RCOR1: variants seen among roughly 807,000 people sequenced by gnomAD.
RCOR1 encodes REST corepressor 1.
In RCOR1, 12 loss-of-function variants were observed where a neutral mutation model predicts 64.0. The observed-to-expected ratio is 0.19, with a 90% confidence interval of 0.12 to 0.30. The LOEUF (loss-of-function observed/expected upper bound fraction) is 0.30, where lower values mean the gene tolerates loss of function less well. Among genes scored for constraint, RCOR1 ranks in the 10% least tolerant of loss-of-function variants. The pLI is 1.00. For synonymous variants in RCOR1, 279 were observed against 227.2 expected (o/e 1.23, Z -2.05); for missense variants, 502 against 621.2 (o/e 0.81, Z 2.04).
chr14:102,618,073 A>G (rs1377854532), intron 2 of RCOR1, among the ~76,000 whole-genome samples: 5 of 147,664 alleles, frequency 3.4e-5, no homozygotes, highest in African/African-American at 1.3e-4. Context: ...TCCTGGGTTC[A>G]AGTGATTCCC....
intron 2 of RCOR1, among the ~76,000 whole-genome samples, chr14:102,603,841 G>T (rs937322310): frequency 1.3e-5 from 2 of 151,834 alleles, no homozygotes; most frequent in Non-Finnish European, 1.5e-5. Flanking sequence ...AGGCTGTTTT[G>T]CTGTTTTTCT....
At chr14:102,722,715 C>G (rs1275717745) in intron 11 of RCOR1, among the ~76,000 whole-genome samples, 1 of 152,178 alleles carries the variant, frequency 6.6e-6, no homozygotes, top group Non-Finnish European at 1.5e-5. Context: ...GTGACAAAGA[C>G]AGGGGAGTGG....
intron 4 of RCOR1, among the ~76,000 whole-genome samples, chr14:102,701,799 A>G (rs991875866): frequency 6.6e-6 from 1 of 152,078 alleles, no homozygotes; most frequent in African/African-American, 2.4e-5. Context: ...GCTCATTGCA[A>G]CCTCTGCCTC....
intron 2 of RCOR1, among the ~76,000 whole-genome samples, chr14:102,659,964 A>T (rs1894798459): frequency 6.6e-6 from 1 of 152,204 alleles, no homozygotes; most frequent in South Asian, 2.1e-4. Context: ...TTTCGTAATA[A>T]GATAAATAAT....
chr14:102,709,787 CTGTT>C (rs1895921457), intron 6 of RCOR1, among the ~76,000 whole-genome samples: 2 of 152,128 alleles, frequency 1.3e-5, no homozygotes, highest in African/African-American at 4.8e-5. Context: ...TATAGTAAGT[CTGTT>C]ACTATAAGCA....
chr14:102,593,554 C>T (rs1234706965), intron 2 of RCOR1, among the ~76,000 whole-genome samples: 1 of 152,250 alleles, frequency 6.6e-6, no homozygotes. Flanking sequence ...GGGCCGGCGC[C>T]GCTGCCCCCT....
At chr14:102,690,034 C>T (rs893094397) in intron 3 of RCOR1, among the ~76,000 whole-genome samples, 1 of 150,516 alleles carries the variant, frequency 6.6e-6, no homozygotes, top group African/African-American at 2.5e-5. Flanking sequence ...TGAGTCACCG[C>T]GCCCGGCCTG....
chr14:102,701,917 G>T (rs889041600), intron 4 of RCOR1, among the ~76,000 whole-genome samples: 5 of 152,126 alleles, frequency 3.3e-5, no homozygotes, highest in African/African-American at 1.2e-4. Flanking sequence ...TAGTAGAGAA[G>T]GGGCCTCCCA....
At chr14:102,613,378 A>G (rs549942989) in intron 2 of RCOR1, among the ~76,000 whole-genome samples, 37 of 151,042 alleles carry the variant, frequency 2.4e-4, no homozygotes, top group African/African-American at 7.3e-4. Flanking sequence ...TTGGAATTAC[A>G]GGTGTGAGCC....
chr14:102,604,887 A>G (rs1416774703), intron 2 of RCOR1, among the ~76,000 whole-genome samples: 4 of 151,878 alleles, frequency 2.6e-5, no homozygotes, highest in African/African-American at 9.7e-5. Context: ...ATTCAAGATC[A>G]GCCTGGCCAA....
chr14:102,701,532 A>G (rs1895758599), intron 4 of RCOR1, among the ~76,000 whole-genome samples: 1 of 152,148 alleles, frequency 6.6e-6, no homozygotes, highest in South Asian at 2.1e-4. Context: ...TGAAAGGCAT[A>G]TCTGTCATCT....
intron 2 of RCOR1, among the ~76,000 whole-genome samples, chr14:102,624,641 C>T (rs1427582790): frequency 6.6e-6 from 1 of 152,066 alleles, no homozygotes; most frequent in Non-Finnish European, 1.5e-5. Context: ...TGGTGCGTAC[C>T]TATAGTCACA....
At chr14:102,650,838 C>A in intron 2 of RCOR1, 1 of 218,978 alleles carries the variant, frequency 4.6e-6, no homozygotes, top group Non-Finnish European at 7.7e-6. Context: ...GAGTTAGGAA[C>A]TGACTTGAGA....
chr14:102,619,441 G>A (rs1363142768), intron 2 of RCOR1, among the ~76,000 whole-genome samples: 3 of 145,660 alleles, frequency 2.1e-5, no homozygotes, highest in Non-Finnish European at 4.5e-5. Flanking sequence ...CTATCTATCT[G>A]TCTGTCTGTC....
At position 102,709,442 on chromosome 14, in the gene RCOR1, TAAAA is replaced by T. The variant is rs942030644; in HGVS notation, c.779+863_779+866del. 2.6e-5 allele frequency among the ~76,000 whole-genome samples: 4 copies of T among 152,066 alleles called. No homozygotes were observed. The East Asian group carries it at 7.7e-4, about 29-fold the overall frequency. On this transcript the variant is annotated intron_variant, in intron 6 of 11. Coordinates refer to ENST00000262241, the MANE Select transcript of RCOR1 (RefSeq NM_015156.4). ...CTGTAATATTTTTATCAATTAATAA[TAAAA>T]AAATAAAATGAAGGAGGATGAAATA...
At chr14:102,637,929 ATAAT>A (rs1431020833) in intron 2 of RCOR1, among the ~76,000 whole-genome samples, 8 of 152,200 alleles carry the variant, frequency 5.3e-5, no homozygotes, top group African/African-American at 1.7e-4. Flanking sequence ...CTGGAAGTAA[ATAAT>A]TAAGTTTAAA....
intron 2 of RCOR1, among the ~76,000 whole-genome samples, chr14:102,618,420 T>G (rs1021561094): frequency 6.6e-6 from 1 of 151,754 alleles, no homozygotes; most frequent in Non-Finnish European, 1.5e-5. Context: ...CAGACCAACC[T>G]AGGCAACAGA....
At chr14:102,621,903 G>C (rs899416455) in intron 2 of RCOR1, among the ~76,000 whole-genome samples, 36 of 152,256 alleles carry the variant, frequency 2.4e-4, no homozygotes, top group African/African-American at 7.5e-4. Context: ...ATGGTCTTCA[G>C]ATTGTACCAA....
chr14:102,674,421 A>G (rs984849998), intron 2 of RCOR1, among the ~76,000 whole-genome samples: 4 of 152,242 alleles, frequency 2.6e-5, no homozygotes, highest in Non-Finnish European at 5.9e-5. Flanking sequence ...CCAATAGTTT[A>G]TACACATACT....
Sources: gnomAD v4.1 joint callset for allele counts (sites outside exome capture counted in the v4.1 genomes callset) on GRCh38, gnomAD v4.1.1 for gene constraint, MANE v1.5 for transcripts, NCBI Gene and HGNC (gene_info 2026-07-23, HGNC 2026-07-21) for gene names.